CTNNA3: variants seen among roughly 807,000 people sequenced by gnomAD.
CTNNA3 encodes catenin alpha 3, also known as catenin alpha-3.
Under a neutral mutation model 95.7 loss-of-function variants are expected in CTNNA3, and 76 were observed. That is an observed-to-expected ratio of 0.79 (90% CI 0.66 to 0.96). CTNNA3 has a LOEUF of 0.96. CTNNA3 is among the 40% of genes least tolerant of loss of function. CTNNA3 has a pLI of 0.00. For synonymous variants in CTNNA3, 431 were observed against 374.4 expected, an observed-to-expected ratio of 1.15 and a Z score of -1.74; for missense variants, 1,191 against 1,089.8, an observed-to-expected ratio of 1.09 and a Z score of -1.31.
intron 5 of CTNNA3, among the ~76,000 whole-genome samples, chr10:67,304,933 G>T (rs1468962312): frequency 6.6e-6 from 1 of 151,968 alleles, no homozygotes; most frequent in Non-Finnish European, 1.5e-5. Context: ...GGAAGAGGAG[G>T]AGGTACAAAG....
At position 65,988,752 on chromosome 10, in the gene CTNNA3, C is replaced by T. The variant is rs745959148; in HGVS notation, c.2205G>A (p.Ala735=). 3.7e-6 allele frequency: 6 copies of T among 1,613,860 alleles called. No individual in the cohort carries two copies. In the Admixed American group the frequency reaches 8.3e-5, roughly 22 times the overall value. Residue 735 remains alanine, a synonymous_variant, in exon 16 of 18, where the codon GCG becomes GCA. Transcript: ENST00000433211. The part of the protein sequence containing the change: ...LKHTTDVIYA[A]KMISESGSRM... Reference sequence around the variant, plus strand: ...TTGATCCTGATTCTGATATCATTTTCGCTGCATAGATCACATCAGTTGTAT... The same window carrying T: ...TTGATCCTGATTCTGATATCATTTTTGCTGCATAGATCACATCAGTTGTAT...
At chr10:66,635,160 A>T (rs1564583599) in intron 9 of CTNNA3, among the ~76,000 whole-genome samples, 1 of 152,122 alleles carries the variant, frequency 6.6e-6, no homozygotes, top group Non-Finnish European at 1.5e-5. Flanking sequence ...TCACCACTCA[A>T]AGGATAAAAG....
chr10:66,238,492 A>G (rs1297335057), intron 13 of CTNNA3, among the ~76,000 whole-genome samples: 2 of 152,050 alleles, frequency 1.3e-5, no homozygotes, highest in Admixed American at 1.3e-4. Context: ...TTCCAGAAAT[A>G]GTTGTATAGA....
At chr10:67,334,605 G>C (rs956071384) in intron 5 of CTNNA3, 1 of 152,414 alleles carries the variant, frequency 6.6e-6, no homozygotes, top group Non-Finnish European at 1.5e-5. Context: ...GGCTCGCCCT[G>C]TATCCTAAGA....
intron 7 of CTNNA3, among the ~76,000 whole-genome samples, chr10:66,810,215 C>T (rs1288230525): frequency 6.6e-6 from 1 of 152,108 alleles, no homozygotes; most frequent in Non-Finnish European, 1.5e-5. Context: ...TAGAATATAG[C>T]CTATTTTAAG....
intron 7 of CTNNA3, among the ~76,000 whole-genome samples, chr10:66,950,565 TA>T (rs2132718718): frequency 6.6e-6 from 1 of 152,172 alleles, no homozygotes; most frequent in African/African-American, 2.4e-5. Flanking sequence ...GTTCATATCA[TA>T]AAACATTGCA....
chr10:66,430,292 C>T (rs1423060667), intron 11 of CTNNA3, among the ~76,000 whole-genome samples: 7 of 152,042 alleles, frequency 4.6e-5, no homozygotes, highest in Non-Finnish European at 7.4e-5. Context: ...TGCTCATGGA[C>T]AGGAAGAATC....
At chr10:67,692,020 A>G (rs1840870980) in intron 1 of CTNNA3, among the ~76,000 whole-genome samples, 1 of 142,928 alleles carries the variant, frequency 7.0e-6, no homozygotes, top group Non-Finnish European at 1.5e-5. Context: ...CCTACTGGGA[A>G]GTGAGGAGCC....
At chr10:65,952,063 T>C (rs1348096812) in intron 17 of CTNNA3, among the ~76,000 whole-genome samples, 2 of 151,832 alleles carry the variant, frequency 1.3e-5, no homozygotes, top group Non-Finnish European at 2.9e-5. Flanking sequence ...CTCACCTATT[T>C]CATTGTTTAT....
At chr10:66,387,807 A>C (rs1434948900) in intron 11 of CTNNA3, among the ~76,000 whole-genome samples, 1 of 152,160 alleles carries the variant, frequency 6.6e-6, no homozygotes, top group Non-Finnish European at 1.5e-5. Context: ...GACATGGATG[A>C]AGCTGGAAAC....
chr10:66,086,058 A>T (rs112128737), intron 14 of CTNNA3, among the ~76,000 whole-genome samples: 5 of 152,090 alleles, frequency 3.3e-5, no homozygotes, highest in Admixed American at 3.3e-4. Context: ...ACAAAACATA[A>T]TTCTTCTTGT....
At chr10:66,107,182 C>T (rs2081947264) in intron 13 of CTNNA3, among the ~76,000 whole-genome samples, 1 of 151,998 alleles carries the variant, frequency 6.6e-6, no homozygotes, top group Non-Finnish European at 1.5e-5. Flanking sequence ...CCCATTTTTT[C>T]AGAAAAAGTG....
At chr10:67,122,114 A>G (rs1859498074) in intron 7 of CTNNA3, among the ~76,000 whole-genome samples, 1 of 151,940 alleles carries the variant, frequency 6.6e-6, no homozygotes, top group African/African-American at 2.4e-5. Context: ...TAGACTGTCA[A>G]TTAAGAGACC....
At chr10:67,746,213 C>T (rs1056996737) in intron 1 of CTNNA3, among the ~76,000 whole-genome samples, 1 of 152,096 alleles carries the variant, frequency 6.6e-6, no homozygotes. Flanking sequence ...ATGGTCCTAG[C>T]ATAAACAGGG....
intron 10 of CTNNA3, among the ~76,000 whole-genome samples, chr10:66,525,176 A>G (rs1841209549): frequency 6.6e-6 from 1 of 151,732 alleles, no homozygotes; most frequent in Non-Finnish European, 1.5e-5. Context: ...GAGAGTCAAT[A>G]ACATCAACAG....
intron 7 of CTNNA3, among the ~76,000 whole-genome samples, chr10:67,040,547 T>C (rs751135623): frequency 3.3e-5 from 5 of 152,152 alleles, no homozygotes; most frequent in Admixed American, 2.0e-4. Context: ...TCTCCCTTAG[T>C]TCTTATGGAT....
intron 10 of CTNNA3, among the ~76,000 whole-genome samples, chr10:66,536,949 G>A (rs187797096): frequency 1.1e-3 from 165 of 151,908 alleles, no homozygotes; most frequent in African/African-American, 3.8e-3. Context: ...ACATTTATGC[G>A]GTGAAAATAA....
chr10:65,967,069 G>C (rs1333718542), intron 16 of CTNNA3, among the ~76,000 whole-genome samples: 1 of 152,044 alleles, frequency 6.6e-6, no homozygotes, highest in African/African-American at 2.4e-5. Flanking sequence ...TGATTCTCCT[G>C]TCTCAGCCTC....
intron 13 of CTNNA3, among the ~76,000 whole-genome samples, chr10:66,131,839 G>A (rs1310119019): frequency 2.0e-5 from 3 of 152,190 alleles, no homozygotes; most frequent in East Asian, 3.9e-4. Context: ...TGGGATAACA[G>A]GCTAGGCATG....
Sources: allele counts gnomAD v4.1 joint callset (sites outside exome capture counted in the v4.1 genomes callset), GRCh38; gene constraint gnomAD v4.1.1; transcripts MANE v1.5; gene names NCBI Gene and HGNC (gene_info 2026-07-23, HGNC 2026-07-21).